VMP1: variants seen among roughly 807,000 people sequenced by gnomAD.
The protein encoded by VMP1 is vacuole membrane protein 1.
Under a neutral mutation model 56.0 loss-of-function variants are expected in VMP1, and 11 were observed. The ratio of observed to expected loss-of-function variants is 0.20; its 90% CI spans 0.12 to 0.32. The LOEUF is 0.32. VMP1 is among the 10% of genes least tolerant of loss of function. The pLI, the probability that VMP1 is intolerant of heterozygous loss-of-function variation, is 1.00. For missense variants in VMP1, 296 were observed against 490.3 expected, an observed-to-expected ratio of 0.60 and a Z score of 3.74; for synonymous variants, 149 against 165.0, an observed-to-expected ratio of 0.90 and a Z score of 0.74.
chr17:59,781,412 A>G (rs1281170797), intron 7 of VMP1, among the ~76,000 whole-genome samples: 1 of 152,232 alleles, frequency 6.6e-6, no homozygotes, highest in Non-Finnish European at 1.5e-5. Context: ...ATAACTTTTT[A>G]TAAAAATTAG....
At chr17:59,719,129 A>G (rs1309888228) in intron 1 of VMP1, among the ~76,000 whole-genome samples, 1 of 152,196 alleles carries the variant, frequency 6.6e-6, no homozygotes, top group Non-Finnish European at 1.5e-5. Flanking sequence ...CCAAGAGTAG[A>G]TCACAATTCC....
chr17:59,797,852 C>T (rs2037499079), intron 7 of VMP1, among the ~76,000 whole-genome samples: 1 of 152,154 alleles, frequency 6.6e-6, no homozygotes, highest in African/African-American at 2.4e-5. Context: ...GCAGCCTGGG[C>T]AACAAGAGCA....
Position 59,767,044 on chromosome 17 carries a change from A to C in VMP1, c.582+1906A>C, listed in dbSNP as rs192849025. Among the ~76,000 whole-genome samples the C allele has an allele frequency of 2.1e-3, 325 of 151,740 alleles. 1 individual carries two copies. The highest frequency in any genetic ancestry group is 7.5e-3 in the African/African-American group (309 of 41,360). On this transcript the variant is annotated intron_variant, in intron 6 of 11. Transcript: ENST00000262291. The stretch of plus-strand genomic sequence containing the variant: ...TGATCCACCAGGCGTGAGCCACCTC[A>C]CCCAGCCCTGTATGCCTAAATTTAT...
chr17:59,836,103 C>G (rs535227886), intron 10 of VMP1, among the ~76,000 whole-genome samples: 12 of 151,372 alleles, frequency 7.9e-5, no homozygotes, highest in African/African-American at 2.9e-4. Flanking sequence ...TCTTTTATGT[C>G]TGTCACAGGT....
intron 5 of VMP1, among the ~76,000 whole-genome samples, chr17:59,757,987 A>C (rs1006435039): frequency 6.7e-6 from 1 of 148,746 alleles, no homozygotes; most frequent in African/African-American, 2.5e-5. Context: ...CTACAGGTGC[A>C]CACCACCATA....
intron 7 of VMP1, 117 bp downstream of exon 7, chr17:59,774,002 A>AT: frequency 1.0e-6 from 1 of 994,666 alleles, no homozygotes; most frequent in Non-Finnish European, 1.4e-6. Context: ...AAAAAAAAAA[A>AT]GAAAGAAAAA....
chr17:59,820,143 C>G, intron 10 of VMP1, among the ~76,000 whole-genome samples: 1 of 152,112 alleles, frequency 6.6e-6, no homozygotes, highest in Non-Finnish European at 1.5e-5. Flanking sequence ...TCCCTTCATT[C>G]TTTAGATAAA....
chr17:59,808,630 C>A (rs1026730636), intron 7 of VMP1, among the ~76,000 whole-genome samples, 166 bp from the exon 8 acceptor site: 1 of 152,110 alleles, frequency 6.6e-6, no homozygotes, highest in African/African-American at 2.4e-5. Context: ...AATAGTCTAT[C>A]ATTATTTTAC....
chr17:59,840,001 T>G lies in VMP1; in HGVS notation c.*90T>G, dbSNP rs1050198073. On this transcript the variant is annotated 3_prime_UTR_variant, in exon 12 of 12. Coordinates refer to ENST00000262291, the MANE Select transcript of VMP1 (RefSeq NM_030938.5). ...CAAGCCGGGAAGGAAAATTCCCTTT[T>G]CCAACCTGTATCAATTTTTACAACT... 8.5e-6 allele frequency: 13 copies of G among 1,526,830 alleles called. No individual in the cohort carries two copies. The highest frequency in any genetic ancestry group is 3.4e-4 in the Middle Eastern group (2 of 5,836). 94.6% of individuals were successfully genotyped at this position (1,526,830 alleles called of 1,614,324 possible).
chr17:59,791,346 G>A (rs916302449), intron 7 of VMP1, among the ~76,000 whole-genome samples: 1 of 151,650 alleles, frequency 6.6e-6, no homozygotes, highest in African/African-American at 2.4e-5. Flanking sequence ...CTGCCACCGC[G>A]CTCAGCTAAT....
At chr17:59,736,503 G>A (rs1179767941) in intron 3 of VMP1, among the ~76,000 whole-genome samples, 1 of 150,402 alleles carries the variant, frequency 6.6e-6, no homozygotes, top group Non-Finnish European at 1.5e-5. Context: ...AGGCCATTTG[G>A]GAGGCTGAGG....
At chr17:59,834,875 C>T (rs970137986) in intron 10 of VMP1, among the ~76,000 whole-genome samples, 3 of 151,720 alleles carry the variant, frequency 2.0e-5, no homozygotes, top group Non-Finnish European at 4.4e-5. Flanking sequence ...CCACCTGCCT[C>T]GGCCTCCCAA....
intron 7 of VMP1, among the ~76,000 whole-genome samples, chr17:59,796,144 C>T (rs2037431480): frequency 6.6e-6 from 1 of 152,144 alleles, no homozygotes; most frequent in South Asian, 2.1e-4. Context: ...TACACATACC[C>T]TAAATTAGGT....
intron 9 of VMP1, among the ~76,000 whole-genome samples, chr17:59,813,988 G>GATTGATTT (rs2038142141): frequency 6.6e-6 from 1 of 151,792 alleles, no homozygotes; most frequent in South Asian, 2.1e-4. Flanking sequence ...TTGATTGATT[G>GATTGATTT]ATTGATTTTT....
intron 1 of VMP1, among the ~76,000 whole-genome samples, chr17:59,716,474 G>T (rs1043039953): frequency 1.3e-5 from 2 of 152,158 alleles, no homozygotes; most frequent in East Asian, 3.9e-4. Flanking sequence ...GTGTATATGT[G>T]ACTCTGGAAT....
intron 5 of VMP1, among the ~76,000 whole-genome samples, chr17:59,755,317 C>T (rs972367527): frequency 6.6e-6 from 1 of 151,950 alleles, no homozygotes; most frequent in African/African-American, 2.4e-5. Context: ...ACAATGTTGG[C>T]CAGGCTGGTC....
intron 7 of VMP1, among the ~76,000 whole-genome samples, chr17:59,797,340 CAAAA>C (rs769486306): frequency 4.6e-5 from 3 of 65,156 alleles, no homozygotes; most frequent in African/African-American, 5.9e-5. Context: ...GACTCTGTCT[CAAAA>C]AAAAAAAAAA....
intron 11 of VMP1, 73 bp from the exon 12 acceptor site, chr17:59,839,695 A>G (rs1225006742): frequency 2.6e-6 from 4 of 1,525,264 alleles, no homozygotes; most frequent in Middle Eastern, 2.1e-4. Flanking sequence ...TTCAAGCATT[A>G]TAGATGATCC....
intron 5 of VMP1, among the ~76,000 whole-genome samples, chr17:59,748,213 A>C (rs1397578711): frequency 1.3e-5 from 2 of 151,900 alleles, no homozygotes; most frequent in East Asian, 3.9e-4. Context: ...AAAAAAAAAA[A>C]AAAACCTTTC....
Sources: gnomAD v4.1 joint callset for allele counts (sites outside exome capture counted in the v4.1 genomes callset) on GRCh38, gnomAD v4.1.1 for gene constraint, MANE v1.5 for transcripts, NCBI Gene and HGNC (gene_info 2026-07-23, HGNC 2026-07-21) for gene names.